PDGFD: variants seen among roughly 807,000 people sequenced by gnomAD.
PDGFD encodes the protein platelet derived growth factor D.
PDGFD carries 30 observed loss-of-function variants against 44.7 expected under a neutral mutation model. The ratio of observed to expected loss-of-function variants is 0.67; its 90% confidence interval spans 0.50 to 0.91. The LOEUF is 0.91. Ranked by LOEUF, PDGFD falls within the 40% of genes least tolerant of loss-of-function variation. The pLI, the probability that PDGFD is intolerant of heterozygous loss-of-function variation, is 0.00. For synonymous variants in PDGFD, 173 were observed against 168.4 expected (o/e 1.03, Z -0.21); for missense variants, 445 against 457.8 (o/e 0.97, Z 0.25).
In PDGFD at chr11:103,909,839, T is replaced by G; in HGVS notation, c.988-20A>C. 6.2e-7 allele frequency: 1 copy of G among 1,614,014 alleles called. No homozygotes were observed. On this transcript the variant is annotated intron_variant, in intron 6 of 6. Coordinates refer to ENST00000393158, the MANE Select transcript of PDGFD (RefSeq NM_025208.5). ...TAATACCTAGGACAAGAAGCACATC[T>G]CCTGTTAGAAAGCCTTTGGAGTTCA...
At chr11:103,970,062 G>T (rs994380714) in intron 3 of PDGFD, among the ~76,000 whole-genome samples, 1 of 151,972 alleles carries the variant, frequency 6.6e-6, no homozygotes, top group African/African-American at 2.4e-5. Flanking sequence ...CCTGGCAAAG[G>T]TCCTTCAGTA....
At chr11:104,057,021 G>A (rs188194477) in intron 1 of PDGFD, among the ~76,000 whole-genome samples, 295 of 152,182 alleles carry the variant, frequency 1.9e-3, no homozygotes, top group African/African-American at 6.7e-3. Flanking sequence ...CCAGCTACTC[G>A]GGAGGCTGAG....
intron 1 of PDGFD, among the ~76,000 whole-genome samples, chr11:104,124,424 A>G (rs757121305): frequency 1.5e-4 from 23 of 152,100 alleles, no homozygotes; most frequent in Non-Finnish European, 2.5e-4. Flanking sequence ...AACTTCCATT[A>G]GAGTGGTCTC....
chr11:104,140,939 A>G (rs1387328029), intron 1 of PDGFD, among the ~76,000 whole-genome samples: 1 of 152,216 alleles, frequency 6.6e-6, no homozygotes, highest in East Asian at 1.9e-4. Context: ...TGGCTATGTT[A>G]ATAGATTTGC....
intron 6 of PDGFD, among the ~76,000 whole-genome samples, chr11:103,912,244 C>T (rs1390528557): frequency 6.6e-6 from 1 of 152,130 alleles, no homozygotes; most frequent in African/African-American, 2.4e-5. Context: ...GTTGGGTTAC[C>T]CACAAAGGGA....
At chr11:103,933,119 T>C (rs1858431484) in intron 5 of PDGFD, among the ~76,000 whole-genome samples, 1 of 152,184 alleles carries the variant, frequency 6.6e-6, no homozygotes, top group South Asian at 2.1e-4. Flanking sequence ...GACAGTGCCA[T>C]AATCTGTTAT....
intron 3 of PDGFD, among the ~76,000 whole-genome samples, chr11:103,995,528 C>A (rs1359963406): frequency 6.6e-6 from 1 of 152,144 alleles, no homozygotes; most frequent in Non-Finnish European, 1.5e-5. Flanking sequence ...AGGATTCATA[C>A]TCTTGGGTCC....
chr11:103,937,808 G>T (rs1417924927), intron 5 of PDGFD, among the ~76,000 whole-genome samples: 1 of 149,036 alleles, frequency 6.7e-6, no homozygotes, highest in South Asian at 2.1e-4. Flanking sequence ...GCGGTGTTTG[G>T]TTTTTTGTCC....
rs76491638 is a variant in PDGFD at position 104,131,738 on chromosome 11, T to A, written c.124+32066A>T. On this transcript the variant is annotated intron_variant, in intron 1 of 6. Transcript: ENST00000393158. ...ACCAATGAGAAGAAATGCTATCTAA[T>A]CTCCTTAGACAGAGACACTGTCCCA... 7.1e-3 allele frequency among the ~76,000 whole-genome samples: 1,001 copies of A among 140,402 alleles called. 14 individuals are homozygous for A. The highest frequency in any genetic ancestry group is 0.025 in the African/African-American group (939 of 37,542). 92.1% of individuals were successfully genotyped at this position (140,402 alleles called of 152,430 possible).
At chr11:104,142,066 A>G (rs1862093143) in intron 1 of PDGFD, among the ~76,000 whole-genome samples, 1 of 152,156 alleles carries the variant, frequency 6.6e-6, no homozygotes, top group African/African-American at 2.4e-5. Flanking sequence ...TTGTTTTCAC[A>G]CTTACCATAT....
At chr11:104,093,040 G>A (rs926542581) in intron 1 of PDGFD, among the ~76,000 whole-genome samples, 1 of 152,040 alleles carries the variant, frequency 6.6e-6, no homozygotes, top group African/African-American at 2.4e-5. Flanking sequence ...TTTCCCACTC[G>A]CTGAGTGACT....
chr11:103,969,553 T>C (rs2134343121), intron 3 of PDGFD, among the ~76,000 whole-genome samples: 2 of 146,388 alleles, frequency 1.4e-5, no homozygotes, highest in East Asian at 4.3e-4. Flanking sequence ...GTCCTGGGTA[T>C]CAGGCAACTT....
intron 1 of PDGFD, among the ~76,000 whole-genome samples, chr11:104,099,218 T>A (rs557596750): frequency 6.6e-6 from 1 of 152,274 alleles, no homozygotes; most frequent in East Asian, 1.9e-4. Context: ...AGGACCAGCA[T>A]TGTGTTTTAG....
At chr11:104,054,073 G>A (rs1860584311) in intron 1 of PDGFD, among the ~76,000 whole-genome samples, 1 of 152,134 alleles carries the variant, frequency 6.6e-6, no homozygotes, top group Admixed American at 6.5e-5. Flanking sequence ...AACACCATGA[G>A]GCACACAAGT....
chr11:104,000,191 G>A lies in PDGFD; in HGVS notation c.189C>T (p.Tyr63=), dbSNP rs79967634. Residue 63 remains tyrosine, a synonymous_variant, in exon 2 of 7, where the codon TAC becomes TAT. Transcript: ENST00000393158. ...DETIQVKGNG[Y]VQSPRFPNSY... is the part of the protein sequence containing the mutation. ...TGTTCGGGAATCTAGGACTCTGCAC[G>A]TAGCCGTTTCCTTTCACCTGGATGG... 387 of 1,614,054 alleles carry A rather than the reference G, an allele frequency of 2.4e-4. No individual in the cohort carries two copies. The African/African-American group carries it at 3.2e-3, about 13-fold the overall frequency.
intron 1 of PDGFD, among the ~76,000 whole-genome samples, chr11:104,040,554 T>C (rs1860330724): frequency 6.6e-6 from 1 of 152,046 alleles, no homozygotes; most frequent in Non-Finnish European, 1.5e-5. Flanking sequence ...CTTTTGCTTG[T>C]CTTCTACATC....
intron 3 of PDGFD, among the ~76,000 whole-genome samples, chr11:103,955,177 A>ATAAT (rs1858821833): frequency 8.7e-5 from 1 of 11,472 alleles, no homozygotes; most frequent in Non-Finnish European, 1.8e-4. Flanking sequence ...AAAAAAAAAA[A>ATAAT]AAAAAAAAAA....
At chr11:103,981,826 G>C (rs902898857) in intron 3 of PDGFD, among the ~76,000 whole-genome samples, 1 of 151,676 alleles carries the variant, frequency 6.6e-6, no homozygotes, top group African/African-American at 2.4e-5. Context: ...GTCTTTTAAG[G>C]CTGCTGCTGC....
chr11:103,948,036 C>T (rs554009132), intron 3 of PDGFD, among the ~76,000 whole-genome samples: 106 of 152,258 alleles, frequency 7.0e-4, no homozygotes, highest in African/African-American at 2.3e-3. Context: ...TCCTTCCTTT[C>T]CTCAGCTAGT....
Sources: allele counts gnomAD v4.1 joint callset (sites outside exome capture counted in the v4.1 genomes callset), GRCh38; gene constraint gnomAD v4.1.1; transcripts MANE v1.5; gene names NCBI Gene and HGNC (gene_info 2026-07-23, HGNC 2026-07-21).